ESYT1: variants seen among roughly 807,000 people sequenced by gnomAD.
The protein encoded by ESYT1 is extended synaptotagmin 1, also known as extended synaptotagmin-1.
ESYT1 carries 116 observed loss-of-function variants against 154.2 expected under a neutral mutation model. The observed-to-expected ratio is 0.75, with a 90% CI of 0.65 to 0.88. ESYT1 has a LOEUF of 0.88. ESYT1 is among the 40% of genes least tolerant of loss of function. The pLI, the probability that ESYT1 is intolerant of heterozygous loss-of-function variation, is 0.00. For synonymous variants in ESYT1, 500 were observed against 539.9 expected (o/e 0.93, Z 1.02); for missense variants, 1,264 against 1,379.3 (o/e 0.92, Z 1.32).
rs1358167790 is a variant in ESYT1 at position 56,138,050 on chromosome 12, C to G, written c.2223C>G (p.Val741=). ...GGTGTAAAGTGCGTCTCACCACAGT[C>G]TTAAACAGTGGCTTCCTTGATGAGG... ...LGRCKVRLTT[V]LNSGFLDEWL... Residue 741 remains valine (V), a synonymous_variant, in exon 20 of 31, where the codon GTC becomes GTG. Coordinates refer to ENST00000394048, the MANE Select transcript of ESYT1 (RefSeq NM_015292.3). 1.9e-6 allele frequency: 3 copies of G among 1,614,192 alleles called. No homozygotes were observed. In the South Asian group the frequency reaches 3.3e-5, roughly 18 times the overall value.
At chr12:56,140,141 T>A (rs1055567647) in intron 24 of ESYT1, among the ~76,000 whole-genome samples, 2 of 152,048 alleles carry the variant, frequency 1.3e-5, no homozygotes, top group Admixed American at 6.6e-5. Flanking sequence ...GTGCTGGGAT[T>A]ACAAGCGTGA....
chr12:56,136,743 G>C lies in ESYT1; in HGVS notation c.1633-1G>C, dbSNP rs757234650. 1 of 1,600,988 alleles carries C rather than the reference G, an allele frequency of 6.2e-7. No individual in the cohort carries two copies. Among genetic ancestry groups the C allele is most frequent in the Non-Finnish European group, 8.5e-7 (1 of 1,172,832 alleles). On this transcript the variant is annotated splice_acceptor_variant, in intron 15 of 30. Transcript: ENST00000394048. LOFTEE classifies it high-confidence loss of function. ...TACAGTCCTTCCTCCTGTGCCTGTA[G>C]GTGAAGGATGATTCCAGGGCCCTGA...
chr12:56,130,612 T>G lies in ESYT1; in HGVS notation c.421T>G (p.Trp141Gly). The G allele has an allele frequency of 6.2e-7, 1 of 1,614,106 alleles. No homozygotes were observed. Among genetic ancestry groups the G allele is most frequent in the Non-Finnish European group, 8.5e-7 (1 of 1,180,030 alleles). ...CTTCCCAGACGTGGAAAAGGCTGAATGGCTCAATAAGGTGAGGATTGATTT... is the reference window on the plus strand; with the variant it reads ...CTTCCCAGACGTGGAAAAGGCTGAAGGGCTCAATAAGGTGAGGATTGATTT... Reference protein sequence around the residue: ...VSFPDVEKAEWLNKIVAQVWP... With the variant: ...VSFPDVEKAEGLNKIVAQVWP... The change falls in exon 2 of 31, where the codon TGG (tryptophan) becomes GGG (glycine). Residue 141 changes from tryptophan (W) to glycine (G), a missense_variant. Physicochemically the swap from Trp to Gly is radical, Grantham distance 184. Transcript: ENST00000394048.
Position 56,142,887 on chromosome 12 carries a change from T to C in ESYT1, c.2941T>C (p.Tyr981His), listed in dbSNP as rs1870765480. 1 of 1,614,218 alleles carries C rather than the reference T, an allele frequency of 6.2e-7. No homozygotes were observed. The highest frequency in any genetic ancestry group is 2.2e-5 in the East Asian group (1 of 44,886). The change falls in exon 27 of 31, where the codon TAC becomes CAC. Residue 981 changes from tyrosine to histidine, a missense_variant. Tyr to His is a moderately conservative substitution (Grantham distance 83). Transcript: ENST00000394048. This position sits in a 1 kb window ranked among gnomAD's most constrained non-coding sequence, Gnocchi z 4.1. ...GGGCCAGGTGAAACTGACTCTGTGG[T>C]ACTACAGTGAAGAACGAAAGCTGGT... Reference protein sequence around the residue: ...PLGQVKLTLWYYSEERKLVSI... With the variant: ...PLGQVKLTLWHYSEERKLVSI...
chr12:56,142,742 T>C lies in ESYT1; in HGVS notation c.2888+10T>C. 1 of 1,613,712 alleles carries C rather than the reference T, an allele frequency of 6.2e-7. No individual in the cohort carries two copies. The highest frequency in any genetic ancestry group is 1.1e-5 in the South Asian group (1 of 91,078). ...TAACACATGTTGACAGGTAAAGGGC[T>C]GGGACAGGAAGGTGGGACGCAGTCA... On this transcript the variant is annotated intron_variant, in intron 26 of 30. Coordinates refer to ENST00000394048, the MANE Select transcript of ESYT1 (RefSeq NM_015292.3). This position sits in a 1 kb window ranked among gnomAD's most constrained non-coding sequence, Gnocchi z 4.1.
In ESYT1 at chr12:56,142,475, T is replaced by G; in HGVS notation, c.2733+50T>G. ...GGATGAGAGGGAGGAGGGGAGGGCC[T>G]TCACAGGTGAGGGACACCCAGGAGG... On this transcript the variant is annotated intron_variant, in intron 25 of 30. Coordinates refer to ENST00000394048, the MANE Select transcript of ESYT1 (RefSeq NM_015292.3). This position sits in a 1 kb window ranked among gnomAD's most constrained non-coding sequence, Gnocchi z 4.1. 1 of 1,606,240 alleles carries G rather than the reference T, an allele frequency of 6.2e-7. No individual in the cohort carries two copies. The highest frequency in any genetic ancestry group is 1.7e-5 in the Admixed American group (1 of 59,698).
chr12:56,132,374 C>A (rs764828284), intron 8 of ESYT1, 42 bp downstream of exon 8: 37 of 1,614,054 alleles, frequency 2.3e-5, no homozygotes, highest in Non-Finnish European at 3.1e-5. Context: ...CTCTCAGGAA[C>A]CCCTTGCTGG....
Position 56,139,027 on chromosome 12 carries a change from A to G in ESYT1, c.2592+14A>G, listed in dbSNP as rs778728225. ...CTAGAGTTGCAGGTACTGTAAATTC[A>G]TTCTTCAAATATTTAGCAGATTTCT... On this transcript the variant is annotated intron_variant, in intron 24 of 30. Transcript: ENST00000394048. 5 of 1,600,636 alleles carry G rather than the reference A, an allele frequency of 3.1e-6. No individual in the cohort carries two copies. The highest frequency in any genetic ancestry group is 4.3e-6 in the Non-Finnish European group (5 of 1,167,746).
chr12:56,128,867 G>C, intron 1 of ESYT1, 158 bp downstream of exon 1: 1 of 870,272 alleles, frequency 1.1e-6, no homozygotes, highest in Non-Finnish European at 1.7e-6. Flanking sequence ...TGCTGGACGC[G>C]CCACTCTTGG....
chr12:56,139,834 C>T (rs1870619995), intron 24 of ESYT1, among the ~76,000 whole-genome samples: 1 of 151,892 alleles, frequency 6.6e-6, no homozygotes, highest in East Asian at 1.9e-4. Flanking sequence ...GTTATCCATC[C>T]ACCTCAGCCT....
chr12:56,137,099 C>A, intron 16 of ESYT1, 119 bp from the exon 17 acceptor site: 3 of 1,394,310 alleles, frequency 2.2e-6, no homozygotes, highest in Non-Finnish European at 2.0e-6. Context: ...TAGAGATGAG[C>A]CCAGCCAGGG....
At chr12:56,128,782 T>C in intron 1 of ESYT1, 73 bp downstream of exon 1, 1 of 1,572,310 alleles carries the variant, frequency 6.4e-7, no homozygotes, top group Non-Finnish European at 8.6e-7. Context: ...TTTTCCTCCT[T>C]ATGCCTAGAG....
intron 13 of ESYT1, 75 bp downstream of exon 13, chr12:56,133,948 C>T (rs1870345528): frequency 6.4e-6 from 10 of 1,550,462 alleles, no homozygotes; most frequent in Non-Finnish European, 8.9e-6. Flanking sequence ...TGCAAATGTC[C>T]CTGCCTGCTT....
In ESYT1 at chr12:56,134,500, C is replaced by T. The variant is rs1870369445; in HGVS notation, c.1632+72C>T. Reference sequence around the variant, plus strand: ...TTCCCAGATCTGTACCATTTCTCCTCTCCTTCTTTTCCCTTGATTCCTATT... The same window carrying T: ...TTCCCAGATCTGTACCATTTCTCCTTTCCTTCTTTTCCCTTGATTCCTATT... On this transcript the variant is annotated intron_variant, in intron 15 of 30. Coordinates refer to ENST00000394048, the MANE Select transcript of ESYT1 (RefSeq NM_015292.3). 21 of 1,294,794 alleles carry T rather than the reference C, an allele frequency of 1.6e-5. No individual in the cohort carries two copies. In the Admixed American group the frequency reaches 3.6e-4, roughly 22 times the overall value. The allele number at this position is 1,294,794 out of a possible 1,614,324, so 80.2% of individuals were successfully genotyped here.
At position 56,128,336 on chromosome 12, in the gene ESYT1, G is replaced by A; in HGVS notation, c.17G>A (p.Gly6Glu). The A allele has an allele frequency of 1.2e-6, 2 of 1,611,312 alleles. No homozygotes were observed. The highest frequency in any genetic ancestry group is 1.3e-5 in the African/African-American group (1 of 75,026). The change falls in exon 1 of 31, where the codon GGA (glycine) becomes GAA (glutamate). Residue 6 changes from glycine to glutamate, a missense_variant. Gly to Glu is a moderately conservative substitution (Grantham distance 98). Coordinates refer to ENST00000394048, the MANE Select transcript of ESYT1 (RefSeq NM_015292.3). MERSP[G>E]EGPSPSPMDQ... Reference sequence around the variant, plus strand: ...GGTGGCACAATGGAGCGATCTCCAGGAGAGGGCCCCAGCCCCAGCCCCATG... The same window carrying A: ...GGTGGCACAATGGAGCGATCTCCAGAAGAGGGCCCCAGCCCCAGCCCCATG...
At position 56,128,713 on chromosome 12, in the gene ESYT1, A is replaced by G. The variant is rs1870106536; in HGVS notation, c.390+4A>G. On this transcript the variant is annotated splice_donor_region_variant and intron_variant, in intron 1 of 30. Transcript: ENST00000394048. ...TCATCGAGAGCTACCTGCCTGGGTGAGCGACCACCCTCGGTCCTCTGTGCA... is the reference window on the plus strand; with the variant it reads ...TCATCGAGAGCTACCTGCCTGGGTGGGCGACCACCCTCGGTCCTCTGTGCA... The G allele has an allele frequency of 3.1e-6, 5 of 1,613,138 alleles. No individual in the cohort carries two copies. Among genetic ancestry groups the G allele is most frequent in the Non-Finnish European group, 4.2e-6 (5 of 1,180,010 alleles).
intron 1 of ESYT1, chr12:56,129,694 A>G (rs981308769): frequency 6.6e-6 from 1 of 152,342 alleles, no homozygotes; most frequent in Non-Finnish European, 1.5e-5. Context: ...CATGGAAACC[A>G]ATCTTCCTAC....
Position 56,142,897 on chromosome 12 carries a change from A to T in ESYT1, c.2951A>T (p.Glu984Val). ...QVKLTLWYYS[E>V]ERKLVSIVHG... is the part of the protein sequence containing the mutation. The stretch of plus-strand genomic sequence containing the variant: ...AAACTGACTCTGTGGTACTACAGTG[A>T]AGAACGAAAGCTGGTCAGCATTGTT... Residue 984 changes from glutamate to valine, a missense_variant, in exon 27 of 31, where the codon GAA becomes GTA. Physicochemically the swap from Glu to Val is moderately radical, Grantham distance 121. Transcript: ENST00000394048. The surrounding 1 kb of genome is among the most constrained non-coding windows in gnomAD (Gnocchi z 4.1). 1 of 1,614,182 alleles carries T rather than the reference A, an allele frequency of 6.2e-7. No individual in the cohort carries two copies. Among genetic ancestry groups the T allele is most frequent in the South Asian group, 1.1e-5 (1 of 91,086 alleles).
At chr12:56,141,541 C>T (rs888906436) in intron 24 of ESYT1, among the ~76,000 whole-genome samples, 4 of 152,028 alleles carry the variant, frequency 2.6e-5, no homozygotes, top group Non-Finnish European at 4.4e-5. Context: ...GAGATCGAGA[C>T]CATCCTGGCT....
Sources: allele counts gnomAD v4.1 joint callset (sites outside exome capture counted in the v4.1 genomes callset), GRCh38; gene constraint gnomAD v4.1.1; non-coding constraint Gnocchi (gnomAD v3.1); transcripts MANE v1.5; gene names NCBI Gene and HGNC (gene_info 2026-07-23, HGNC 2026-07-21).